PCDHGA8: variants seen among roughly 807,000 people sequenced by gnomAD.
PCDHGA8 encodes protocadherin gamma-A8.
In PCDHGA8, 45 loss-of-function variants were observed where a neutral mutation model predicts 59.2. That is an observed-to-expected ratio of 0.76 (90% CI 0.60 to 0.98). PCDHGA8 has a LOEUF of 0.98. PCDHGA8 is among the 50% of genes least tolerant of loss of function. The pLI, the probability that PCDHGA8 is intolerant of heterozygous loss-of-function variation, is 0.00. For missense variants in PCDHGA8, 1,257 were observed against 1,196.2 expected (o/e 1.05, Z -0.75); for synonymous variants, 531 against 519.0 (o/e 1.02, Z -0.32).
intron 2 of PCDHGA8, among the ~76,000 whole-genome samples, chr5:141,504,008 C>G (rs2099835164): frequency 6.6e-6 from 1 of 152,208 alleles, no homozygotes; most frequent in South Asian, 2.1e-4. Flanking sequence ...ACTTAACTGT[C>G]TCTGCTGGTC....
At chr5:141,506,955 C>G (rs1387377785) in intron 3 of PCDHGA8, 1 of 152,244 alleles carries the variant, frequency 6.6e-6, no homozygotes, top group Non-Finnish European at 1.5e-5. Context: ...AATGAATCCT[C>G]TCAATAGCTC....
rs767497197 is a variant in PCDHGA8, at chr5:141,486,350, T to C, written c.2425-8457T>C. The C allele has an allele frequency of 6.2e-7, 1 of 1,614,128 alleles. No homozygotes were observed. Among genetic ancestry groups the C allele is most frequent in the South Asian group, 1.1e-5 (1 of 91,074 alleles). On this transcript the variant is annotated intron_variant, in intron 1 of 3. Transcript: ENST00000398604. The surrounding 1 kb of genome is among the most constrained non-coding windows in gnomAD (Gnocchi z 5.0). ...TGTGAGCCTCCGCATTCCTGACCAC[T>C]TGCCATTTGCCCTCAAGTCTGCCTT...
chr5:141,432,650 G>T lies in PCDHGA8; in HGVS notation c.2424+37413G>T. 6.2e-7 allele frequency: 1 copy of T among 1,613,868 alleles called. No individual in the cohort carries two copies. The highest frequency in any genetic ancestry group is 1.1e-5 in the South Asian group (1 of 91,064). On this transcript the variant is annotated intron_variant, in intron 1 of 3. Transcript: ENST00000398604. The surrounding 1 kb of genome is among the most constrained non-coding windows in gnomAD (Gnocchi z 6.0). The stretch of plus-strand genomic sequence containing the variant: ...CACGGGCGAGGTGCGCACGGCGCGA[G>T]CCCTGCTGGACAGAGACGCGCTCAA...
chr5:141,499,682 C>T, intron 2 of PCDHGA8, among the ~76,000 whole-genome samples: 1 of 148,196 alleles, frequency 6.7e-6, no homozygotes, highest in South Asian at 2.1e-4. Flanking sequence ...CCATCTTTAA[C>T]AGATGACTTT....
chr5:141,438,811 G>T (rs2098067148), intron 1 of PCDHGA8, among the ~76,000 whole-genome samples: 1 of 149,790 alleles, frequency 6.7e-6, no homozygotes, highest in East Asian at 2.0e-4. Context: ...ACAGGCGCCT[G>T]TCACCATGCC....
chr5:141,476,483 G>A lies in PCDHGA8; in HGVS notation c.2425-18324G>A. On this transcript the variant is annotated intron_variant, in intron 1 of 3. Coordinates refer to ENST00000398604, the MANE Select transcript of PCDHGA8 (RefSeq NM_032088.2). The surrounding 1 kb of genome is among the most constrained non-coding windows in gnomAD (Gnocchi z 7.6). The stretch of plus-strand genomic sequence containing the variant: ...CCCGCTGGAGCTGTTCAGCGTGGAA[G>A]TGGTGATCCAGGACATCAACGACAA... The A allele has an allele frequency of 3.1e-6, 5 of 1,614,166 alleles. No individual in the cohort carries two copies. Among genetic ancestry groups the A allele is most frequent in the Non-Finnish European group, 4.2e-6 (5 of 1,180,034 alleles).
At chr5:141,449,202 C>T (rs77980623) in intron 1 of PCDHGA8, among the ~76,000 whole-genome samples, 7,411 of 152,148 alleles carry the variant, frequency 0.049, 284 homozygotes, top group African/African-American at 0.1. Context: ...AGTGTTAATT[C>T]TAACTTTCTG....
Position 141,489,980 on chromosome 5 carries a change from T to G in PCDHGA8, c.2425-4827T>G, listed in dbSNP as rs2099694325. 1.2e-6 allele frequency: 2 copies of G among 1,614,204 alleles called. No individual in the cohort carries two copies. The highest frequency in any genetic ancestry group is 1.7e-6 in the Non-Finnish European group (2 of 1,180,012). On this transcript the variant is annotated intron_variant, in intron 1 of 3. Transcript: ENST00000398604. This position sits in a 1 kb window ranked among gnomAD's most constrained non-coding sequence, Gnocchi z 4.5. ...GCTCCAACCTTCCAATCCTCAGTTC[T>G]ACGTGTGGGAATCCCAGAGAATGCA...
intron 2 of PCDHGA8, among the ~76,000 whole-genome samples, chr5:141,498,009 C>T (rs1160103624): frequency 6.6e-6 from 1 of 152,146 alleles, no homozygotes; most frequent in African/African-American, 2.4e-5. Context: ...TTACAGTGCA[C>T]TGAAGGAGAC....
At chr5:141,408,947 ATTAGTC>A in intron 1 of PCDHGA8, 6 of 1,613,666 alleles carry the variant, frequency 3.7e-6, no homozygotes, top group Non-Finnish European at 5.1e-6. Context: ...CGAATATAGA[ATTAGTC>A]TTAGTGAAAA....
chr5:141,433,232 C>T (rs1344380820), intron 1 of PCDHGA8: 1 of 1,516,488 alleles, frequency 6.6e-7, no homozygotes, highest in Admixed American at 1.9e-5. Flanking sequence ...ATTGCTCTGT[C>T]TCCCAAGCTG....
chr5:141,476,596 C>T lies in PCDHGA8; in HGVS notation c.2425-18211C>T. 1 of 1,614,224 alleles carries T rather than the reference C, an allele frequency of 6.2e-7. No homozygotes were observed. Among genetic ancestry groups the T allele is most frequent in the Non-Finnish European group, 8.5e-7 (1 of 1,180,038 alleles). On this transcript the variant is annotated intron_variant, in intron 1 of 3. Coordinates refer to ENST00000398604, the MANE Select transcript of PCDHGA8 (RefSeq NM_032088.2). The surrounding 1 kb of genome is among the most constrained non-coding windows in gnomAD (Gnocchi z 7.6). The stretch of plus-strand genomic sequence containing the variant: ...CGCGCTTTCCGCTCGAGAGCGCGCA[C>T]GATCCCGATGTGGGAAGCAACTCTT...
intron 1 of PCDHGA8, among the ~76,000 whole-genome samples, chr5:141,460,958 T>C (rs182414946): frequency 8.2e-6 from 1 of 121,926 alleles, no homozygotes; most frequent in Non-Finnish European, 1.6e-5. Context: ...TATGTATATA[T>C]ATATGTGTGT....
intron 1 of PCDHGA8, chr5:141,420,315 A>G (rs755723069): frequency 6.2e-6 from 9 of 1,440,144 alleles, no homozygotes; most frequent in Non-Finnish European, 8.4e-6. Context: ...TTATATTACA[A>G]TATGCCAATA....
At chr5:141,444,507 G>C (rs1213059531) in intron 1 of PCDHGA8, among the ~76,000 whole-genome samples, 1 of 152,068 alleles carries the variant, frequency 6.6e-6, no homozygotes, top group Non-Finnish European at 1.5e-5. Context: ...CTTTGCTCTA[G>C]CAGTATAGTA....
chr5:141,460,909 G>GGT (rs548378036), intron 1 of PCDHGA8, among the ~76,000 whole-genome samples: 1,853 of 123,260 alleles, frequency 0.015, 18 homozygotes, highest in Non-Finnish European at 0.019. Context: ...AATATTCCAT[G>GGT]GTGTATATAT....
chr5:141,404,043 C>G (rs781644500), intron 1 of PCDHGA8: 1 of 1,613,726 alleles, frequency 6.2e-7, no homozygotes, highest in African/African-American at 1.3e-5. Flanking sequence ...CCTCAGGGAA[C>G]AGTAATTCTT....
intron 1 of PCDHGA8, among the ~76,000 whole-genome samples, chr5:141,400,951 C>A (rs991607511): frequency 6.6e-6 from 1 of 152,174 alleles, no homozygotes; most frequent in Non-Finnish European, 1.5e-5. Flanking sequence ...ACTGATTTCA[C>A]TGGTAGTTTT....
At chr5:141,410,847 G>GTTTT (rs773839667) in intron 1 of PCDHGA8, 2 of 158,344 alleles carry the variant, frequency 1.3e-5, no homozygotes, top group African/African-American at 1.7e-4. Context: ...TTTTGTCTTT[G>GTTTT]TCTTTTTTTT....
Sources: gnomAD v4.1 joint callset for allele counts (sites outside exome capture counted in the v4.1 genomes callset) on GRCh38, gnomAD v4.1.1 for gene constraint, Gnocchi (gnomAD v3.1) non-coding constraint, MANE v1.5 for transcripts, NCBI Gene and HGNC (gene_info 2026-07-23, HGNC 2026-07-21) for gene names.